Variants in TCF7L2 observed in about 807,000 individuals in gnomAD.
The protein encoded by TCF7L2 is transcription factor 7 like 2.
A neutral mutation model predicts 77.9 loss-of-function variants in TCF7L2; 23 were observed. That is an observed-to-expected ratio of 0.30 (90% CI 0.21 to 0.42). The LOEUF is 0.42. TCF7L2 is among the 10% of genes least tolerant of loss of function. The pLI is 1.00. For missense variants in TCF7L2, 654 were observed against 793.1 expected, an observed-to-expected ratio of 0.82 and a Z score of 2.11; for synonymous variants, 413 against 340.2, an observed-to-expected ratio of 1.21 and a Z score of -2.36.
intron 4 of TCF7L2, among the ~76,000 whole-genome samples, chr10:112,997,639 G>A (rs141286891): frequency 6.6e-6 from 1 of 152,210 alleles, no homozygotes; most frequent in Admixed American, 6.5e-5. Flanking sequence ...GACCTGAGGG[G>A]CATGGTCGAG....
intron 5 of TCF7L2, among the ~76,000 whole-genome samples, chr10:113,120,581 A>G (rs567885434): frequency 6.6e-6 from 1 of 152,296 alleles, no homozygotes; most frequent in South Asian, 2.1e-4. Flanking sequence ...AGTCTTGGGT[A>G]CTGAGAAAAT....
intron 4 of TCF7L2, among the ~76,000 whole-genome samples, chr10:113,033,454 C>T (rs183303957): frequency 1.2e-3 from 188 of 151,998 alleles, no homozygotes; most frequent in African/African-American, 4.4e-3. Flanking sequence ...GATGGGGTCT[C>T]CTAGGCTGGT....
chr10:113,144,668 C>T (rs955120677), intron 7 of TCF7L2, among the ~76,000 whole-genome samples: 2 of 152,138 alleles, frequency 1.3e-5, no homozygotes, highest in African/African-American at 2.4e-5. Context: ...GAATGTTTTA[C>T]CTAACTGTGA....
intron 3 of TCF7L2, among the ~76,000 whole-genome samples, chr10:112,956,968 AGACAGAC>A (rs922611796): frequency 1.3e-5 from 2 of 152,068 alleles, no homozygotes; most frequent in African/African-American, 4.8e-5. Flanking sequence ...GAGTTTACTG[AGACAGAC>A]GCCACCACTC....
chr10:113,149,924 T>G (rs1471904623), intron 8 of TCF7L2, among the ~76,000 whole-genome samples: 3 of 152,190 alleles, frequency 2.0e-5, no homozygotes, highest in African/African-American at 7.2e-5. Context: ...GATATGTTGC[T>G]TGAAGAGGGG....
At position 113,062,554 on chromosome 10, in the gene TCF7L2, T is replaced by C. The variant is rs1206848477; in HGVS notation, c.552+22428T>C. Among the ~76,000 whole-genome samples, 3 of 152,252 alleles carry C rather than the reference T, an allele frequency of 2.0e-5. No individual in the cohort carries two copies. In the South Asian group the frequency reaches 6.2e-4, roughly 32 times the overall value. On this transcript the variant is annotated intron_variant, in intron 5 of 13. Coordinates refer to ENST00000627217, the MANE Select transcript of TCF7L2 (RefSeq NM_001146274.2). ...TATGGCTACTGCACTTTTTTTTTTTTCTTACTGTCTCCCCCTTCCCCCACA... is the reference window on the plus strand; with the variant it reads ...TATGGCTACTGCACTTTTTTTTTTTCCTTACTGTCTCCCCCTTCCCCCACA...
At chr10:113,149,816 T>G (rs1271985652) in intron 8 of TCF7L2, among the ~76,000 whole-genome samples, 1 of 152,190 alleles carries the variant, frequency 6.6e-6, no homozygotes, top group Admixed American at 6.5e-5. Context: ...TCCCATCTGC[T>G]CACTTGAATC....
At chr10:113,082,601 G>T (rs1298733997) in intron 5 of TCF7L2, among the ~76,000 whole-genome samples, 2 of 151,750 alleles carry the variant, frequency 1.3e-5, no homozygotes, top group Non-Finnish European at 2.9e-5. Flanking sequence ...TTCTGCTTGT[G>T]TGTGTGTGTG....
chr10:113,068,417 A>C (rs1436486612), intron 5 of TCF7L2, among the ~76,000 whole-genome samples: 1 of 152,206 alleles, frequency 6.6e-6, no homozygotes, highest in Non-Finnish European at 1.5e-5. Flanking sequence ...TGAGCAAGCC[A>C]GGATGCTGGG....
intron 5 of TCF7L2, among the ~76,000 whole-genome samples, chr10:113,109,490 A>G (rs1475082220): frequency 6.6e-6 from 1 of 152,142 alleles, no homozygotes; most frequent in Non-Finnish European, 1.5e-5. Context: ...TCCTGGGTTC[A>G]AGTAATTCTT....
At chr10:113,069,261 G>T (rs1177214626) in intron 5 of TCF7L2, among the ~76,000 whole-genome samples, 1 of 149,460 alleles carries the variant, frequency 6.7e-6, no homozygotes, top group Non-Finnish European at 1.5e-5. Flanking sequence ...ACAGAGTCTC[G>T]CTCCTACACC....
rs943282649 is a variant in TCF7L2 at position 113,084,057 on chromosome 10, A to G, written c.552+43931A>G. Among the ~76,000 whole-genome samples, 16 of 152,188 alleles carry G rather than the reference A, an allele frequency of 1.1e-4. 1 individual carries two copies. Among genetic ancestry groups the G allele is most frequent in the African/African-American group, 3.9e-4 (16 of 41,448 alleles). On this transcript the variant is annotated intron_variant, in intron 5 of 13. Transcript: ENST00000627217. ...AACTCTGATCTTTCAGAGACGCACA[A>G]ATCCATTCCCTCTTGCTGTGGAGGA...
intron 4 of TCF7L2, among the ~76,000 whole-genome samples, chr10:112,999,658 C>T (rs185810187): frequency 1.3e-5 from 2 of 152,264 alleles, no homozygotes; most frequent in South Asian, 2.1e-4. Flanking sequence ...AAAAATAAGG[C>T]GTATGTAGAA....
At chr10:112,958,126 G>A (rs1051756694) in intron 3 of TCF7L2, among the ~76,000 whole-genome samples, 2 of 152,212 alleles carry the variant, frequency 1.3e-5, no homozygotes, top group Non-Finnish European at 2.9e-5. Context: ...ATCAGCCGAG[G>A]TGTTCTTTGC....
At chr10:113,159,341 C>T (rs575156272) in intron 12 of TCF7L2, among the ~76,000 whole-genome samples, 1 of 152,104 alleles carries the variant, frequency 6.6e-6, no homozygotes, top group South Asian at 2.1e-4. Context: ...AAAAAAAAGA[C>T]GAACGTTCCA....
At chr10:112,997,407 T>C (rs1289926727) in intron 4 of TCF7L2, among the ~76,000 whole-genome samples, 1 of 152,218 alleles carries the variant, frequency 6.6e-6, no homozygotes, top group African/African-American at 2.4e-5. Context: ...GGGCAGTGGA[T>C]TGAAGGCTGA....
At chr10:113,093,850 G>T (rs981488970) in intron 5 of TCF7L2, among the ~76,000 whole-genome samples, 2 of 152,174 alleles carry the variant, frequency 1.3e-5, no homozygotes, top group African/African-American at 4.8e-5. Context: ...TCTTCTTCCT[G>T]TAATTGCTCA....
At chr10:113,039,239 A>G (rs186739483) in intron 4 of TCF7L2, among the ~76,000 whole-genome samples, 1 of 152,284 alleles carries the variant, frequency 6.6e-6, no homozygotes, top group African/African-American at 2.4e-5. Flanking sequence ...TTCAAATCTC[A>G]CTGAAAGCTA....
chr10:113,007,651 G>C (rs1345016195), intron 4 of TCF7L2, among the ~76,000 whole-genome samples: 3 of 152,224 alleles, frequency 2.0e-5, no homozygotes, highest in Non-Finnish European at 4.4e-5. Flanking sequence ...TTGGAAGAGG[G>C]CTTCTTTTAC....
Sources: allele counts gnomAD v4.1 joint callset (sites outside exome capture counted in the v4.1 genomes callset), GRCh38; gene constraint gnomAD v4.1.1; transcripts MANE v1.5; gene names NCBI Gene and HGNC (gene_info 2026-07-23, HGNC 2026-07-21).